LINGO2: variants seen among roughly 807,000 people sequenced by gnomAD.
LINGO2 encodes the protein leucine-rich repeat and immunoglobulin-like domain-containing nogo receptor-interacting protein 2.
A neutral mutation model predicts 30.6 loss-of-function variants in LINGO2; 14 were observed. The observed-to-expected ratio is 0.46, with a 90% confidence interval of 0.30 to 0.72. The LOEUF is 0.72. Among genes scored for constraint, LINGO2 ranks in the 30% least tolerant of loss-of-function variants. LINGO2 has a pLI of 0.07. For missense variants in LINGO2, 729 were observed against 751.7 expected, an observed-to-expected ratio of 0.97 and a Z score of 0.35; for synonymous variants, 317 against 288.5, an observed-to-expected ratio of 1.10 and a Z score of -1.00.
intron 1 of LINGO2, among the ~76,000 whole-genome samples, chr9:28,480,195 G>A (rs1043954485): frequency 2.0e-5 from 3 of 151,534 alleles, no homozygotes; most frequent in Admixed American, 6.6e-5. Context: ...TGCCCAATGG[G>A]TTAGTATGGC....
At chr9:28,521,791 G>T (rs2135401375) in intron 1 of LINGO2, among the ~76,000 whole-genome samples, 1 of 152,240 alleles carries the variant, frequency 6.6e-6, no homozygotes, top group Non-Finnish European at 1.5e-5. Flanking sequence ...ATTGGAATGG[G>T]CCCTGGTTTA....
chr9:29,104,303 T>C, the LINGO2 span, among the ~76,000 whole-genome samples: 2 of 152,186 alleles, frequency 1.3e-5, no homozygotes, highest in East Asian at 1.9e-4. Context: ...GCAGTTCTCA[T>C]AATAGTGAGT....
chr9:28,350,602 G>T, intron 3 of LINGO2, among the ~76,000 whole-genome samples: 1 of 146,648 alleles, frequency 6.8e-6, no homozygotes, highest in African/African-American at 2.5e-5. Context: ...GAGACAGAAA[G>T]TCAAGAAGGA....
chr9:29,088,651 T>C, the LINGO2 span, among the ~76,000 whole-genome samples: 1 of 152,324 alleles, frequency 6.6e-6, no homozygotes, highest in African/African-American at 2.4e-5. Flanking sequence ...GACTAATTTT[T>C]TCCTTGGCAA....
chr9:28,308,029 C>T lies in LINGO2; in HGVS notation c.-245-12663G>A, dbSNP rs1434497058. Among the ~76,000 whole-genome samples the T allele has an allele frequency of 2.0e-5, 3 of 150,162 alleles. No homozygotes were observed. In the East Asian group the frequency reaches 5.9e-4, roughly 30 times the overall value. Reference sequence around the variant, plus strand: ...CCCAAGGTAATTTATAGATTCAATGCCATCCCCATCAAGCTACCAATGACT... The same window carrying T: ...CCCAAGGTAATTTATAGATTCAATGTCATCCCCATCAAGCTACCAATGACT... On this transcript the variant is annotated intron_variant, in intron 3 of 5. Transcript: ENST00000379992.
chr9:27,981,300 T>C (rs575043286), intron 5 of LINGO2, among the ~76,000 whole-genome samples: 66 of 151,606 alleles, frequency 4.4e-4, no homozygotes, highest in Non-Finnish European at 8.0e-4. Flanking sequence ...AAGATAATAT[T>C]ATCTCCATTT....
At chr9:28,777,073 C>T in the LINGO2 span, among the ~76,000 whole-genome samples, 2 of 152,064 alleles carry the variant, frequency 1.3e-5, no homozygotes, top group Non-Finnish European at 2.9e-5. Context: ...GTGAGACGCG[C>T]TTTCTTCCCC....
chr9:28,689,207 G>A, the LINGO2 span, among the ~76,000 whole-genome samples: 1 of 152,266 alleles, frequency 6.6e-6, no homozygotes, highest in Non-Finnish European at 1.5e-5. Flanking sequence ...GTGGGCAGCT[G>A]TTAGGAGCTG....
the LINGO2 span, among the ~76,000 whole-genome samples, chr9:29,198,494 G>A: frequency 6.6e-6 from 1 of 152,128 alleles, no homozygotes; most frequent in Non-Finnish European, 1.5e-5. Context: ...AGAAGCTTAT[G>A]TGTATACACT....
intron 3 of LINGO2, among the ~76,000 whole-genome samples, chr9:28,315,396 C>T (rs1048251781): frequency 4.8e-4 from 68 of 140,730 alleles, no homozygotes; most frequent in African/African-American, 1.6e-3. Flanking sequence ...AGGGAGACTC[C>T]GTCTCGGGGA....
the LINGO2 span, among the ~76,000 whole-genome samples, chr9:28,687,781 T>C: frequency 6.6e-6 from 1 of 152,170 alleles, no homozygotes; most frequent in African/African-American, 2.4e-5. Context: ...TCAGCTGTTT[T>C]AATGGAAATG....
chr9:27,974,588 A>G (rs989751172), intron 5 of LINGO2, among the ~76,000 whole-genome samples: 32 of 152,100 alleles, frequency 2.1e-4, no homozygotes, highest in Non-Finnish European at 4.4e-5. Flanking sequence ...CCGGTATTGC[A>G]TGCTTTTATT....
At chr9:28,483,200 C>A (rs1184475423) in intron 1 of LINGO2, among the ~76,000 whole-genome samples, 1 of 152,058 alleles carries the variant, frequency 6.6e-6, no homozygotes, top group Non-Finnish European at 1.5e-5. Flanking sequence ...CTATTATCAT[C>A]ATTTGTCTAG....
intron 5 of LINGO2, among the ~76,000 whole-genome samples, chr9:27,985,021 A>G (rs1262673042): frequency 7.7e-6 from 1 of 130,578 alleles, no homozygotes. Flanking sequence ...TTTGACAAAA[A>G]TAATTAGACA....
At chr9:28,180,591 C>T (rs1828884103) in intron 4 of LINGO2, among the ~76,000 whole-genome samples, 1 of 152,126 alleles carries the variant, frequency 6.6e-6, no homozygotes, top group Non-Finnish European at 1.5e-5. Context: ...TTCACTTTAT[C>T]CTCACTCAGG....
At chr9:29,134,823 C>A in the LINGO2 span, among the ~76,000 whole-genome samples, 1 of 151,736 alleles carries the variant, frequency 6.6e-6, no homozygotes, top group Admixed American at 6.6e-5. Flanking sequence ...ATATATATAT[C>A]CTTGAACTTA....
the LINGO2 span, among the ~76,000 whole-genome samples, chr9:29,054,422 G>A: frequency 6.6e-6 from 1 of 152,110 alleles, no homozygotes; most frequent in Non-Finnish European, 1.5e-5. Context: ...TTTGGATTTT[G>A]TATGCACTTT....
rs73644050 is a variant in LINGO2 at position 28,516,634 on chromosome 9, T to A, written c.-364-40609A>T. On this transcript the variant is annotated intron_variant, in intron 1 of 5. Coordinates refer to ENST00000379992, the Ensembl canonical transcript of LINGO2. ...TCATAGAAATGAAATTTTAAAAAAA[T>A]TTAAAACCAAGGTGTAAAAACCACT... Among the ~76,000 whole-genome samples, 1,223 of 152,324 alleles carry A rather than the reference T, an allele frequency of 8.0e-3. 21 individuals are homozygous for A. Among genetic ancestry groups the A allele is most frequent in the African/African-American group, 0.028 (1,147 of 41,570 alleles).
At chr9:28,412,474 G>A (rs754966835) in intron 2 of LINGO2, among the ~76,000 whole-genome samples, 2 of 152,022 alleles carry the variant, frequency 1.3e-5, no homozygotes, top group Admixed American at 6.6e-5. Context: ...AAAGGGAGAC[G>A]TAAAATTATT....
Sources: gnomAD v4.1 joint callset for allele counts (sites outside exome capture counted in the v4.1 genomes callset) on GRCh38, gnomAD v4.1.1 for gene constraint, MANE v1.5 for transcripts, NCBI Gene and HGNC (gene_info 2026-07-23, HGNC 2026-07-21) for gene names.